Variants in CDH4 observed in about 807,000 individuals in gnomAD.
CDH4 encodes cadherin-4.
CDH4 carries 33 observed loss-of-function variants against 86.0 expected under a neutral mutation model. The ratio of observed to expected loss-of-function variants is 0.38; its 90% CI spans 0.29 to 0.51. The LOEUF (loss-of-function observed/expected upper bound fraction) is 0.51. Among genes scored for constraint, CDH4 ranks in the 20% least tolerant of loss-of-function variants. The pLI is 0.86. For missense variants in CDH4, 1,114 were observed against 1,307.4 expected, an observed-to-expected ratio of 0.85 and a Z score of 2.28; for synonymous variants, 555 against 549.4, an observed-to-expected ratio of 1.01 and a Z score of -0.14.
At chr20:61,599,829 T>C (rs556975202) in intron 2 of CDH4, 12 of 985,618 alleles carry the variant, frequency 1.2e-5, no homozygotes, top group Admixed American at 6.1e-5. Context: ...TGTTCCTGGT[T>C]GAAGCTGAAG....
chr20:61,713,565 C>A (rs1281166134), intron 2 of CDH4, among the ~76,000 whole-genome samples: 1 of 152,224 alleles, frequency 6.6e-6, no homozygotes, highest in Non-Finnish European at 1.5e-5. Context: ...TATGTAGCAG[C>A]ACAGTTAACG....
chr20:61,345,659 G>A (rs958319449), intron 2 of CDH4, among the ~76,000 whole-genome samples: 10 of 152,214 alleles, frequency 6.6e-5, no homozygotes, highest in Admixed American at 1.3e-4. Context: ...CTCTGGCAAC[G>A]AGGAGGGGAA....
At chr20:61,316,822 C>G (rs900697461) in intron 2 of CDH4, among the ~76,000 whole-genome samples, 3 of 152,086 alleles carry the variant, frequency 2.0e-5, no homozygotes, top group South Asian at 2.1e-4. Context: ...GCCTGGCCAC[C>G]CTTTTTGTTT....
At position 61,773,131 on chromosome 20, in the gene CDH4, C is replaced by A; in HGVS notation, c.525C>A (p.Pro175=). ...RRRKRDWVIP[P]INVPENSRGP... ...GCAAACGGGACTGGGTCATCCCGCC[C>A]ATCAACGTGCCCGAGAACTCGCGCG... The change falls in exon 4 of 16, where the codon CCC becomes CCA. Residue 175 remains proline, a synonymous_variant. Transcript: ENST00000614565. 1 of 1,607,338 alleles carries A rather than the reference C, an allele frequency of 6.2e-7. No homozygotes were observed. The highest frequency in any genetic ancestry group is 1.7e-5 in the Admixed American group (1 of 59,092).
rs2087158639 is a variant in CDH4 at position 61,653,982 on chromosome 20, G to A, written c.170-89581G>A. Among the ~76,000 whole-genome samples the A allele has an allele frequency of 1.3e-5, 2 of 151,152 alleles. 1 individual carries two copies. Among genetic ancestry groups the A allele is most frequent in the South Asian group, 4.2e-4 (2 of 4,740 alleles). On this transcript the variant is annotated intron_variant, in intron 2 of 15. Transcript: ENST00000614565. ...AGGGGCTCCTCACATCCCAGACGAA[G>A]GGCGGCCAGGCAGAGACGCTCCTCA...
At chr20:61,520,448 G>A (rs896625097) in intron 2 of CDH4, among the ~76,000 whole-genome samples, 6 of 152,288 alleles carry the variant, frequency 3.9e-5, no homozygotes, top group East Asian at 1.9e-4. Flanking sequence ...CATCTGTGAG[G>A]TAGAGATAAC....
At chr20:61,732,028 T>C (rs1183696853) in intron 2 of CDH4, among the ~76,000 whole-genome samples, 1 of 152,180 alleles carries the variant, frequency 6.6e-6, no homozygotes, top group Non-Finnish European at 1.5e-5. Context: ...TCAGACTCTG[T>C]CCTCTCTCTC....
At chr20:61,620,221 GGTAGGCA>G (rs1459138203) in intron 2 of CDH4, among the ~76,000 whole-genome samples, 870 of 141,338 alleles carry the variant, frequency 6.2e-3, no homozygotes, top group Non-Finnish European at 8.2e-3. Context: ...CAGGCAGGCT[GGTAGGCA>G]GACAGACAGA....
intron 11 of CDH4, among the ~76,000 whole-genome samples, chr20:61,925,210 A>G (rs1292541830): frequency 6.6e-6 from 1 of 152,164 alleles, no homozygotes; most frequent in Non-Finnish European, 1.5e-5. Flanking sequence ...TCTGAGGGAC[A>G]TGGGCCAGCA....
intron 8 of CDH4, among the ~76,000 whole-genome samples, chr20:61,901,789 C>T (rs2427237): frequency 0.21 from 32,004 of 152,218 alleles, 5,960 homozygotes; most frequent in African/African-American, 0.48. Context: ...GTTGGGGTGA[C>T]AAGGGCAGCA....
chr20:61,581,807 C>T (rs1198579184), intron 2 of CDH4, among the ~76,000 whole-genome samples: 1 of 152,180 alleles, frequency 6.6e-6, no homozygotes, highest in Non-Finnish European at 1.5e-5. Flanking sequence ...TTTTCAGCCC[C>T]ACACCATGCT....
intron 2 of CDH4, among the ~76,000 whole-genome samples, chr20:61,434,074 A>G (rs2282017): frequency 0.47 from 71,760 of 151,948 alleles, 18,603 homozygotes; most frequent in African/African-American, 0.69. Flanking sequence ...ACCACTCTCC[A>G]CTGGCTTCGT....
intron 2 of CDH4, among the ~76,000 whole-genome samples, chr20:61,327,719 A>G (rs763561267): frequency 6.6e-6 from 1 of 152,184 alleles, no homozygotes; most frequent in Non-Finnish European, 1.5e-5. Flanking sequence ...CTTTGACCCA[A>G]TAATTCCACT....
chr20:61,693,795 G>C (rs569923607), intron 2 of CDH4, among the ~76,000 whole-genome samples: 18 of 151,884 alleles, frequency 1.2e-4, no homozygotes, highest in African/African-American at 4.3e-4. Context: ...GTATGAGGCA[G>C]GACTTGGTGC....
chr20:61,427,152 T>C (rs2085219473), intron 2 of CDH4, among the ~76,000 whole-genome samples: 1 of 152,244 alleles, frequency 6.6e-6, no homozygotes, highest in Non-Finnish European at 1.5e-5. Context: ...CACAGCTTCC[T>C]GCCGCATTTG....
chr20:61,828,099 A>G (rs2146077138), intron 4 of CDH4, among the ~76,000 whole-genome samples: 1 of 152,308 alleles, frequency 6.6e-6, no homozygotes, highest in South Asian at 2.1e-4. Flanking sequence ...CCACCTGATA[A>G]ATGAGGTAGA....
At chr20:61,826,940 T>A (rs1353526173) in intron 4 of CDH4, among the ~76,000 whole-genome samples, 1 of 151,264 alleles carries the variant, frequency 6.6e-6, no homozygotes, top group Non-Finnish European at 1.5e-5. Flanking sequence ...TGTGCATAGC[T>A]ATTACCATTT....
chr20:61,277,776 TG>T lies in CDH4; in HGVS notation c.169+22841del, dbSNP rs1389650388. Among the ~76,000 whole-genome samples, 4 of 152,308 alleles carry T rather than the reference TG, an allele frequency of 2.6e-5. No individual in the cohort carries two copies. In the East Asian group the frequency reaches 7.7e-4, roughly 29 times the overall value. ...TGGCATCAGGTATCCAGAGCATAATTGGATAACAATGACAATTACTGTGTCG... is the reference window on the plus strand; with the variant it reads ...TGGCATCAGGTATCCAGAGCATAATTGATAACAATGACAATTACTGTGTCG... On this transcript the variant is annotated intron_variant, in intron 2 of 15. Coordinates refer to ENST00000614565, the MANE Select transcript of CDH4 (RefSeq NM_001794.5).
At chr20:61,741,569 G>A (rs552956927) in intron 2 of CDH4, among the ~76,000 whole-genome samples, 1 of 151,748 alleles carries the variant, frequency 6.6e-6, no homozygotes, top group African/African-American at 2.4e-5. Flanking sequence ...TCGGCTCACT[G>A]CAAGCTCCTC....
Sources: gnomAD v4.1 joint callset for allele counts (sites outside exome capture counted in the v4.1 genomes callset) on GRCh38, gnomAD v4.1.1 for gene constraint, MANE v1.5 for transcripts, NCBI Gene and HGNC (gene_info 2026-07-23, HGNC 2026-07-21) for gene names.